Variants in CFAP70 observed in about 807,000 individuals in gnomAD.
The protein encoded by CFAP70 is cilia- and flagella-associated protein 70.
In CFAP70, 81 loss-of-function variants were observed where a neutral mutation model predicts 137.6. That is an observed-to-expected ratio of 0.59 (90% CI 0.49 to 0.71). The LOEUF (loss-of-function observed/expected upper bound fraction) is 0.71, where lower values mean the gene tolerates loss of function less well. Among genes scored for constraint, CFAP70 ranks in the 30% least tolerant of loss-of-function variants. CFAP70 has a pLI of 0.00. For synonymous variants in CFAP70, 382 were observed against 423.6 expected, an observed-to-expected ratio of 0.90 and a Z score of 1.20; for missense variants, 976 against 1,226.7, an observed-to-expected ratio of 0.80 and a Z score of 3.05.
intron 16 of CFAP70, 120 bp downstream of exon 17, chr10:73,293,143 T>C: frequency 9.0e-7 from 1 of 1,109,626 alleles, no homozygotes; most frequent in South Asian, 2.2e-5. Context: ...ATTTTTGGAC[T>C]TTATTGTTCT....
intron 14 of CFAP70, among the ~76,000 whole-genome samples, chr10:73,298,529 C>A (rs1004551404): frequency 6.6e-6 from 1 of 152,026 alleles, no homozygotes; most frequent in South Asian, 2.1e-4. Flanking sequence ...ATAACTGTTT[C>A]GTCTTCAATT....
chr10:73,322,983 C>T (rs2132214050), exon 9 of CFAP70: 1 of 1,612,064 alleles, frequency 6.2e-7, no homozygotes, highest in South Asian at 1.1e-5. Context: ...ACTACACTGT[C>T]TAGGTAAGGG....
intron 24 of CFAP70, among the ~76,000 whole-genome samples, chr10:73,271,103 T>G (rs1402612716): frequency 6.6e-6 from 1 of 152,126 alleles, no homozygotes; most frequent in Admixed American, 6.6e-5. Flanking sequence ...GGGATTGCAA[T>G]GAGCTGAGAT....
intron 19 of CFAP70, among the ~76,000 whole-genome samples, chr10:73,287,443 G>A (rs2047816798): frequency 6.6e-6 from 1 of 152,138 alleles, no homozygotes; most frequent in Non-Finnish European, 1.5e-5. Flanking sequence ...ATTTTTATGT[G>A]TATGAAAAAA....
chr10:73,259,591 G>A (rs2044925788), intron 25 of CFAP70, among the ~76,000 whole-genome samples: 1 of 151,984 alleles, frequency 6.6e-6, no homozygotes, highest in African/African-American at 2.4e-5. Context: ...CTTTAAAGTT[G>A]GAAACTCATG....
intron 9 of CFAP70, among the ~76,000 whole-genome samples, chr10:73,322,087 CT>C (rs1172047725): frequency 6.6e-6 from 1 of 152,070 alleles, no homozygotes; most frequent in Non-Finnish European, 1.5e-5. Flanking sequence ...CCCAGTCACA[CT>C]TAAAATGCTG....
chr10:73,351,065 GTGTGTGTATATA>G (rs1428209164), intron 3 of CFAP70, among the ~76,000 whole-genome samples: 29 of 55,654 alleles, frequency 5.2e-4, no homozygotes, highest in East Asian at 3.0e-3. Context: ...GTGTGTGTGT[GTGTGTGTATATA>G]TATATATATA....
At chr10:73,313,723 A>T (rs960131070) in intron 9 of CFAP70, among the ~76,000 whole-genome samples, 3 of 151,362 alleles carry the variant, frequency 2.0e-5, no homozygotes, top group Non-Finnish European at 2.9e-5. Context: ...TGCAGCTGTA[A>T]TCCTAGCTAT....
chr10:73,297,458 T>C (rs1205481783), intron 14 of CFAP70, among the ~76,000 whole-genome samples: 2 of 152,204 alleles, frequency 1.3e-5, no homozygotes, highest in Non-Finnish European at 2.9e-5. Flanking sequence ...GCATTAGGTT[T>C]AGGCATTATG....
At position 73,353,744 on chromosome 10, in the gene CFAP70, T is replaced by C; in HGVS notation, c.64-2A>G. The C allele has an allele frequency of 6.2e-7, 1 of 1,613,522 alleles. No individual in the cohort carries two copies. The highest frequency in any genetic ancestry group is 2.2e-5 in the East Asian group (1 of 44,840). On this transcript the variant is annotated splice_acceptor_variant, in intron 2 of 26. Transcript: ENST00000310715. LOFTEE classifies it high-confidence loss of function. ...TGGAGTATCTCCTTTAAAACCTTTC[T>C]GTTGGCAGAAACACACCACTTTACA...
At chr10:73,278,056 T>C (rs1439728655) in intron 20 of CFAP70, 123 bp downstream of exon 21, 2 of 935,744 alleles carry the variant, frequency 2.1e-6, no homozygotes, top group African/African-American at 3.3e-5. Flanking sequence ...CCATTGAGTT[T>C]GGATTTCAGA....
chr10:73,338,362 G>A (rs2052900945), intron 6 of CFAP70, among the ~76,000 whole-genome samples: 1 of 151,598 alleles, frequency 6.6e-6, no homozygotes, highest in African/African-American at 2.4e-5. Flanking sequence ...CTGGTCTCAA[G>A]TGATCTGCCC....
intron 26 of CFAP70, among the ~76,000 whole-genome samples, chr10:73,254,619 A>G (rs1321206151): frequency 6.6e-6 from 1 of 152,222 alleles, no homozygotes; most frequent in Non-Finnish European, 1.5e-5. Context: ...GTCATGACCA[A>G]TTGCCACCCA....
chr10:73,294,057 A>T (rs2048364840), intron 15 of CFAP70: 1 of 152,228 alleles, frequency 6.6e-6, no homozygotes, highest in South Asian at 2.1e-4. Context: ...CAGTGATTTT[A>T]ATAAGGATAA....
At chr10:73,290,816 C>A (rs1481281357) in intron 19 of CFAP70, among the ~76,000 whole-genome samples, 4 of 152,080 alleles carry the variant, frequency 2.6e-5, no homozygotes, top group African/African-American at 9.7e-5. Context: ...ACAGTAAATT[C>A]TCTAAGATTA....
At chr10:73,347,592 A>G (rs950285112) in intron 4 of CFAP70, among the ~76,000 whole-genome samples, 1 of 152,178 alleles carries the variant, frequency 6.6e-6, no homozygotes, top group Non-Finnish European at 1.5e-5. Context: ...CCACTAGTCA[A>G]AAAACTAAGA....
intron 8 of CFAP70, among the ~76,000 whole-genome samples, chr10:73,323,591 C>T (rs996058694): frequency 3.9e-5 from 6 of 152,306 alleles, no homozygotes; most frequent in South Asian, 2.1e-4. Context: ...GGGTGACAGA[C>T]GGCACCTGGA....
chr10:73,299,031 A>G lies in CFAP70; in HGVS notation c.1388T>C (p.Phe463Ser), dbSNP rs758543795. 2.5e-6 allele frequency: 4 copies of G among 1,613,940 alleles called. No homozygotes were observed. In the East Asian group the frequency reaches 8.9e-5, roughly 36 times the overall value. The change falls in exon 14 of 27, where the codon TTT becomes TCT. Residue 463 changes from phenylalanine (F) to serine (S), a missense_variant. Physicochemically the swap from Phe to Ser is radical, Grantham distance 155. Coordinates refer to ENST00000310715, the Ensembl canonical transcript of CFAP70. ...CTCCAGTTTGGCCACCTGTTTTCCA[A>G]ACATTCTGTAGTATTCATCTAGAAT...
intron 14 of CFAP70, among the ~76,000 whole-genome samples, chr10:73,297,659 G>T (rs1045414337): frequency 2.3e-4 from 35 of 152,276 alleles, no homozygotes; most frequent in African/African-American, 8.4e-4. Flanking sequence ...TTTAGAAGAT[G>T]ATTGAGAAGC....
Sources: gnomAD v4.1 joint callset for allele counts (sites outside exome capture counted in the v4.1 genomes callset) on GRCh38, gnomAD v4.1.1 for gene constraint, MANE v1.5 for transcripts, NCBI Gene and HGNC (gene_info 2026-07-23, HGNC 2026-07-21) for gene names.